Variants in NAALADL2 observed in about 807,000 individuals in gnomAD.
NAALADL2 encodes the protein inactive N-acetylated-alpha-linked acidic dipeptidase-like protein 2.
A neutral mutation model predicts 87.2 loss-of-function variants in NAALADL2; 76 were observed. That is an observed-to-expected ratio of 0.87 (90% CI 0.72 to 1.05). The LOEUF is 1.05. NAALADL2 is among the 50% of genes least tolerant of loss of function. The pLI, the probability that NAALADL2 is intolerant of heterozygous loss-of-function variation, is 0.00. For synonymous variants in NAALADL2, 354 were observed against 331.0 expected (o/e 1.07, Z -0.75); for missense variants, 1,089 against 945.8 (o/e 1.15, Z -1.99).
intron 4 of NAALADL2, among the ~76,000 whole-genome samples, chr3:175,303,932 C>T (rs1242098475): frequency 6.6e-6 from 1 of 151,974 alleles, no homozygotes; most frequent in Non-Finnish European, 1.5e-5. Context: ...TAACATGGGG[C>T]TTTTCCTTCT....
chr3:175,140,241 C>T (rs9840404), intron 2 of NAALADL2, among the ~76,000 whole-genome samples: 14,123 of 152,026 alleles, frequency 0.093, 1,860 homozygotes, highest in African/African-American at 0.3. Flanking sequence ...AGTTCTGGAC[C>T]TCAGTAATAG....
intron 1 of NAALADL2, among the ~76,000 whole-genome samples, chr3:175,031,981 T>G (rs1348509861): frequency 1.3e-5 from 2 of 152,036 alleles, no homozygotes; most frequent in Non-Finnish European, 2.9e-5. Flanking sequence ...TTCTTATTAA[T>G]GTGTTTAAGC....
intron 1 of NAALADL2, among the ~76,000 whole-genome samples, chr3:174,956,760 C>A (rs147129472): frequency 0.032 from 4,928 of 151,972 alleles, 98 homozygotes; most frequent in Non-Finnish European, 0.052. Context: ...GAGTGGAGGT[C>A]CTTTTGCACT....
At chr3:175,298,156 A>G (rs1756609451) in intron 4 of NAALADL2, among the ~76,000 whole-genome samples, 1 of 152,170 alleles carries the variant, frequency 6.6e-6, no homozygotes, top group South Asian at 2.1e-4. Context: ...TGAATTTTTC[A>G]TATTCTCTTC....
At chr3:174,929,672 A>T (rs1322059036) in intron 1 of NAALADL2, among the ~76,000 whole-genome samples, 1 of 152,158 alleles carries the variant, frequency 6.6e-6, no homozygotes, top group African/African-American at 2.4e-5. Context: ...TAACTGCTTC[A>T]GTTTACACCG....
chr3:175,331,377 T>A (rs1164927781), intron 5 of NAALADL2, among the ~76,000 whole-genome samples: 1 of 152,164 alleles, frequency 6.6e-6, no homozygotes, highest in East Asian at 1.9e-4. Context: ...ATATCCCTGA[T>A]GAACATAGAC....
chr3:175,393,280 C>CAAAAAAAAAAAAAAAAAAAAA (rs775778803), intron 5 of NAALADL2, among the ~76,000 whole-genome samples: 1 of 29,516 alleles, frequency 3.4e-5, no homozygotes, highest in Non-Finnish European at 5.7e-5. Flanking sequence ...GACTCCGTCT[C>CAAAAAAAAAAAAAAAAAAAAA]AAAAAAAAAA....
intron 2 of NAALADL2, among the ~76,000 whole-genome samples, chr3:175,195,803 A>G (rs1306566929): frequency 6.6e-6 from 1 of 151,910 alleles, no homozygotes; most frequent in Non-Finnish European, 1.5e-5. Context: ...TAACAATGAC[A>G]GTATCTTCAA....
intron 2 of NAALADL2, among the ~76,000 whole-genome samples, chr3:174,652,588 C>T (rs149468409): frequency 1.8e-4 from 28 of 152,004 alleles, no homozygotes; most frequent in Admixed American, 7.9e-4. Context: ...TTCACTATCA[C>T]GAGAACAGTA....
At chr3:175,446,193 A>G (rs1720651945) in intron 5 of NAALADL2, among the ~76,000 whole-genome samples, 3 of 146,356 alleles carry the variant, frequency 2.0e-5, no homozygotes, top group Non-Finnish European at 3.0e-5. Flanking sequence ...AGGTTTCTGT[A>G]TGCCAAAAGA....
chr3:175,507,615 C>A (rs926946959), intron 9 of NAALADL2, among the ~76,000 whole-genome samples: 1 of 151,864 alleles, frequency 6.6e-6, no homozygotes, highest in African/African-American at 2.4e-5. Context: ...GTAGAGATGG[C>A]GTTTCACCAT....
chr3:175,439,181 G>A (rs766906903), intron 5 of NAALADL2, among the ~76,000 whole-genome samples: 1 of 151,942 alleles, frequency 6.6e-6, no homozygotes, highest in Non-Finnish European at 1.5e-5. Flanking sequence ...TGCCATTATT[G>A]TGTTCCTTTC....
At chr3:175,793,746 T>A (rs570957080) in intron 13 of NAALADL2, among the ~76,000 whole-genome samples, 1 of 152,328 alleles carries the variant, frequency 6.6e-6, no homozygotes, top group South Asian at 2.1e-4. Context: ...TTCAAAATAA[T>A]ATTTTGATTT....
intron 5 of NAALADL2, among the ~76,000 whole-genome samples, chr3:175,403,019 G>A (rs1000518411): frequency 1.9e-4 from 29 of 152,158 alleles, no homozygotes; most frequent in East Asian, 1.2e-3. Flanking sequence ...GAGTTACCGC[G>A]CATGCCAGTT....
chr3:174,877,448 T>C (rs1401140624), intron 1 of NAALADL2, among the ~76,000 whole-genome samples: 1 of 152,016 alleles, frequency 6.6e-6, no homozygotes, highest in East Asian at 1.9e-4. Flanking sequence ...CATTCTCAAT[T>C]CTCCCTATTT....
intron 5 of NAALADL2, among the ~76,000 whole-genome samples, chr3:175,400,432 T>C (rs1327984161): frequency 6.6e-6 from 1 of 152,112 alleles, no homozygotes; most frequent in East Asian, 1.9e-4. Flanking sequence ...GTCTGTGTCC[T>C]TCTTTGAGGC....
intron 11 of NAALADL2, chr3:175,655,695 T>TAAATA (rs55666338): frequency 0.11 from 16,613 of 147,992 alleles, 1,019 homozygotes; most frequent in Non-Finnish European, 0.14. Flanking sequence ...CTTAAAAAAA[T>TAAATA]AAATAAAATA....
intron 1 of NAALADL2, among the ~76,000 whole-genome samples, chr3:174,907,749 A>T (rs1733149065): frequency 6.6e-6 from 1 of 152,080 alleles, no homozygotes; most frequent in Admixed American, 6.6e-5. Context: ...TGTATTGTGG[A>T]TCTATTGTGT....
intron 2 of NAALADL2, among the ~76,000 whole-genome samples, chr3:175,126,546 A>G (rs1726986101): frequency 1.3e-5 from 2 of 152,142 alleles, no homozygotes; most frequent in South Asian, 4.1e-4. Context: ...AAATATATAT[A>G]TTTCAAATGA....
Sources: gnomAD v4.1 joint callset for allele counts (sites outside exome capture counted in the v4.1 genomes callset) on GRCh38, gnomAD v4.1.1 for gene constraint, MANE v1.5 for transcripts, NCBI Gene and HGNC (gene_info 2026-07-23, HGNC 2026-07-21) for gene names.